Variants in ALG9 observed in about 807,000 individuals in gnomAD.
The protein encoded by ALG9 is alpha-1,2-mannosyltransferase ALG9.
A neutral mutation model predicts 81.8 loss-of-function variants in ALG9; 55 were observed. The ratio of observed to expected loss-of-function variants is 0.67; its 90% confidence interval spans 0.54 to 0.84. The LOEUF (loss-of-function observed/expected upper bound fraction) is 0.84, where lower values mean the gene tolerates loss of function less well. ALG9 is among the 40% of genes least tolerant of loss of function. The pLI is 0.00. For synonymous variants in ALG9, 278 were observed against 274.3 expected (o/e 1.01, Z -0.13); for missense variants, 629 against 745.0 (o/e 0.84, Z 1.81).
At position 111,844,829 on chromosome 11, in the gene ALG9, C is replaced by T. The variant is rs1956726908; in HGVS notation, c.896-106G>A. The T allele has an allele frequency of 3.1e-6, 4 of 1,277,068 alleles. No individual in the cohort carries two copies. In the African/African-American group the frequency reaches 4.4e-5, roughly 14 times the overall value. 79.1% of individuals were successfully genotyped at this position (1,277,068 alleles called of 1,614,324 possible). ...TTGGAATAACACTGATGATCCTATG[C>T]CTCATGGGAATGAGAGTGCACAGCC... On this transcript the variant is annotated intron_variant, in intron 8 of 14. Coordinates refer to ENST00000616540, the MANE Select transcript of ALG9 (RefSeq NM_024740.2).
At chr11:111,786,666 A>G in intron 14 of ALG9, 146 bp from the exon 15 acceptor site, 1 of 989,916 alleles carries the variant, frequency 1.0e-6, no homozygotes, top group Non-Finnish European at 1.5e-6. Flanking sequence ...TTTCGGTACT[A>G]GATCACGATA....
At chr11:111,792,417 T>G (rs1327082756) in intron 14 of ALG9, among the ~76,000 whole-genome samples, 1 of 152,198 alleles carries the variant, frequency 6.6e-6, no homozygotes, top group Non-Finnish European at 1.5e-5. Context: ...AGATATGAGT[T>G]TAATTCAATT....
the ALG9 span, chr11:111,771,224 G>A: frequency 6.6e-6 from 1 of 152,550 alleles, no homozygotes. Flanking sequence ...CTGAGGTCAG[G>A]AGTTTGAGGC....
chr11:111,805,943 G>A (rs976462578), intron 14 of ALG9, among the ~76,000 whole-genome samples: 15 of 152,138 alleles, frequency 9.9e-5, no homozygotes, highest in Admixed American at 2.6e-4. Flanking sequence ...TGCGACTTCC[G>A]CCTCCCAGGT....
intron 9 of ALG9, 75 bp downstream of exon 9, chr11:111,844,526 T>A: frequency 1.3e-6 from 2 of 1,598,246 alleles, no homozygotes; most frequent in Non-Finnish European, 1.7e-6. Flanking sequence ...TAAGTAGGAT[T>A]TTCCTTCAGT....
the ALG9 span, among the ~76,000 whole-genome samples, chr11:111,772,835 A>G: frequency 6.6e-6 from 1 of 152,340 alleles, no homozygotes; most frequent in African/African-American, 2.4e-5. Context: ...CCTGTTCCAG[A>G]AGATTTTTTT....
chr11:111,772,618 T>C, the ALG9 span, among the ~76,000 whole-genome samples: 4 of 152,228 alleles, frequency 2.6e-5, no homozygotes, highest in Admixed American at 2.0e-4. Flanking sequence ...GCTTACCTCA[T>C]GTGGTTGTTA....
chr11:111,776,165 A>AAAAT, the ALG9 span, among the ~76,000 whole-genome samples: 1 of 152,162 alleles, frequency 6.6e-6, no homozygotes, highest in East Asian at 1.9e-4. Flanking sequence ...GGCTCACTGC[A>AAAAT]AAATAAATAA....
chr11:111,871,218 T>C (rs1555158384), intron 1 of ALG9, 134 bp downstream of exon 1: 23 of 1,312,466 alleles, frequency 1.8e-5, no homozygotes, highest in Non-Finnish European at 2.1e-5. Context: ...AGGACCTAGC[T>C]GAAGAGGGAG....
At chr11:111,820,190 A>G (rs1452569997) in intron 13 of ALG9, among the ~76,000 whole-genome samples, 1 of 152,236 alleles carries the variant, frequency 6.6e-6, no homozygotes, top group Non-Finnish European at 1.5e-5. Flanking sequence ...TACAGAATCC[A>G]AAGGAAATAA....
the ALG9 span, among the ~76,000 whole-genome samples, chr11:111,770,102 G>A: frequency 6.6e-6 from 1 of 152,122 alleles, no homozygotes; most frequent in African/African-American, 2.4e-5. Context: ...TTCAATGAAG[G>A]TGATTAAAAC....
chr11:111,840,646 G>A lies in ALG9; in HGVS notation c.1173+9C>T, dbSNP rs1956076231. On this transcript the variant is annotated intron_variant, in intron 10 of 14. Coordinates refer to ENST00000616540, the MANE Select transcript of ALG9 (RefSeq NM_024740.2). ...GAATGAGGCAGATACACTTCTCCCTGAAACTCACCTGAAGTGCAGAGAGAG... is the reference window on the plus strand; with the variant it reads ...GAATGAGGCAGATACACTTCTCCCTAAAACTCACCTGAAGTGCAGAGAGAG... 2 of 1,614,022 alleles carry A rather than the reference G, an allele frequency of 1.2e-6. No homozygotes were observed. The highest frequency in any genetic ancestry group is 2.7e-5 in the African/African-American group (2 of 75,028).
At chr11:111,858,151 G>T (rs1555144963) in intron 5 of ALG9, among the ~76,000 whole-genome samples, 1 of 152,086 alleles carries the variant, frequency 6.6e-6, no homozygotes, top group Non-Finnish European at 1.5e-5. Context: ...TGGCCAGGCT[G>T]GTCTCGAGCT....
intron 13 of ALG9, among the ~76,000 whole-genome samples, chr11:111,812,780 G>A (rs1207412887): frequency 6.6e-6 from 1 of 151,952 alleles, no homozygotes; most frequent in Non-Finnish European, 1.5e-5. Flanking sequence ...AGCCAGGCAT[G>A]GTGGTGGGCA....
chr11:111,801,920 C>T (rs1420800053), intron 14 of ALG9, among the ~76,000 whole-genome samples: 2 of 152,116 alleles, frequency 1.3e-5, no homozygotes, highest in East Asian at 3.9e-4. Flanking sequence ...ACAATAGAGC[C>T]CTACCCCCAA....
chr11:111,853,937 T>C (rs1472546110), intron 6 of ALG9, among the ~76,000 whole-genome samples: 6 of 152,144 alleles, frequency 3.9e-5, no homozygotes, highest in African/African-American at 1.4e-4. Flanking sequence ...ATAGAATTAC[T>C]GAGCTGCTGG....
At chr11:111,827,820 T>C (rs1555109979) in intron 13 of ALG9, among the ~76,000 whole-genome samples, 1 of 150,232 alleles carries the variant, frequency 6.7e-6, no homozygotes. Context: ...TGAGCTGAGA[T>C]TATGCCACTG....
chr11:111,857,965 A>C (rs1488867207), intron 5 of ALG9: 1 of 460,036 alleles, frequency 2.2e-6, no homozygotes, highest in African/African-American at 2.0e-5. Flanking sequence ...TTTTAGACGG[A>C]GTCTTGCTCT....
the ALG9 span, among the ~76,000 whole-genome samples, chr11:111,776,560 C>A: frequency 2.6e-5 from 4 of 152,280 alleles, no homozygotes; most frequent in South Asian, 8.3e-4. Flanking sequence ...CGCACTCCAA[C>A]CTGGGCAACA....
Sources: allele counts gnomAD v4.1 joint callset (sites outside exome capture counted in the v4.1 genomes callset), GRCh38; gene constraint gnomAD v4.1.1; transcripts MANE v1.5; gene names NCBI Gene and HGNC (gene_info 2026-07-23, HGNC 2026-07-21).